The following GMDS variants were observed in gnomAD, a reference collection of about 807,000 sequenced individuals.
The protein encoded by GMDS is GDP-mannose 4,6 dehydratase.
A neutral mutation model predicts 49.9 loss-of-function variants in GMDS; 20 were observed. The ratio of observed to expected loss-of-function variants is 0.40; its 90% CI spans 0.28 to 0.58. The LOEUF (loss-of-function observed/expected upper bound fraction) is 0.58. Among genes scored for constraint, GMDS ranks in the 20% least tolerant of loss-of-function variants. The probability of loss-of-function intolerance (pLI) is 0.42; values close to 1 mark genes in which losing one functional copy is unlikely to be tolerated. For missense variants in GMDS, 362 were observed against 481.4 expected (o/e 0.75, Z 2.32); for synonymous variants, 177 against 178.6 (o/e 0.99, Z 0.07).
chr6:1,668,013 A>T (rs1411281204), intron 9 of GMDS, among the ~76,000 whole-genome samples: 1 of 152,188 alleles, frequency 6.6e-6, no homozygotes, highest in Non-Finnish European at 1.5e-5. Flanking sequence ...CACAAGTCCC[A>T]GGGTGAATGA....
intron 7 of GMDS, among the ~76,000 whole-genome samples, chr6:1,896,580 G>C (rs1347599500): frequency 6.6e-6 from 1 of 152,152 alleles, no homozygotes; most frequent in East Asian, 1.9e-4. Context: ...TGGGAGGAGA[G>C]GGGGTGTCAG....
At chr6:2,130,351 C>T (rs1775667141) in intron 1 of GMDS, among the ~76,000 whole-genome samples, 1 of 152,162 alleles carries the variant, frequency 6.6e-6, no homozygotes, top group Non-Finnish European at 1.5e-5. Flanking sequence ...ACCAACTTTC[C>T]CTTCCTTTGA....
chr6:1,749,252 TCTGCGGTGTTC>T (rs1175101047), intron 7 of GMDS, among the ~76,000 whole-genome samples: 7 of 152,184 alleles, frequency 4.6e-5, no homozygotes, highest in African/African-American at 1.7e-4. Flanking sequence ...CAGATCACAA[TCTGCGGTGTTC>T]CTTGGCTAGG....
chr6:1,684,926 T>C (rs891221389), intron 9 of GMDS, among the ~76,000 whole-genome samples: 1 of 152,136 alleles, frequency 6.6e-6, no homozygotes, highest in East Asian at 1.9e-4. Context: ...TATCAACCTG[T>C]GCCTGCCACT....
intron 8 of GMDS, among the ~76,000 whole-genome samples, chr6:1,732,792 G>A (rs1409042129): frequency 2.6e-5 from 4 of 152,198 alleles, no homozygotes; most frequent in Non-Finnish European, 5.9e-5. Flanking sequence ...AGCAGGGGTA[G>A]GAGACAGCAG....
At chr6:1,902,119 A>T (rs1760531563) in intron 7 of GMDS, among the ~76,000 whole-genome samples, 1 of 152,260 alleles carries the variant, frequency 6.6e-6, no homozygotes, top group African/African-American at 2.4e-5. Flanking sequence ...TGTGTAATTA[A>T]TTCTGCACAT....
chr6:1,672,627 T>TCTGC (rs1248038350), intron 9 of GMDS, among the ~76,000 whole-genome samples: 3 of 152,234 alleles, frequency 2.0e-5, no homozygotes, highest in Non-Finnish European at 4.4e-5. Context: ...AATGGCAGAC[T>TCTGC]GCAGAGGGTT....
intron 7 of GMDS, among the ~76,000 whole-genome samples, chr6:1,812,000 T>C (rs1396946512): frequency 1.2e-4 from 19 of 152,240 alleles, no homozygotes; most frequent in Admixed American, 1.2e-3. Flanking sequence ...AAATGATACC[T>C]TTCTACTGTC....
intron 4 of GMDS, among the ~76,000 whole-genome samples, chr6:2,078,718 A>T (rs1289125590): frequency 6.6e-6 from 1 of 152,090 alleles, no homozygotes; most frequent in Non-Finnish European, 1.5e-5. Context: ...GCTGATGAGA[A>T]GACTTTATAT....
chr6:1,860,244 G>C (rs1441023369), intron 7 of GMDS, among the ~76,000 whole-genome samples: 2 of 152,146 alleles, frequency 1.3e-5, no homozygotes, highest in Non-Finnish European at 2.9e-5. Flanking sequence ...TGTTTCTGAA[G>C]TTAAAAAATA....
In GMDS at chr6:1,846,838, A is replaced by G. The variant is rs183553955; in HGVS notation, c.771+83265T>C. On this transcript the variant is annotated intron_variant, in intron 7 of 10. Transcript: ENST00000380815. ...CACTTAGAACATTTATGTACAGCTCATATCTTTTAGGATGTATCAAATATA... is the reference window on the plus strand; with the variant it reads ...CACTTAGAACATTTATGTACAGCTCGTATCTTTTAGGATGTATCAAATATA... 3.2e-3 allele frequency among the ~76,000 whole-genome samples: 492 copies of G among 152,324 alleles called. 1 individual carries two copies. Among genetic ancestry groups the G allele is most frequent in the Admixed American group, 8.0e-3 (122 of 15,300 alleles).
intron 9 of GMDS, among the ~76,000 whole-genome samples, chr6:1,704,917 C>T (rs370969192): frequency 1.4e-4 from 21 of 152,182 alleles, no homozygotes; most frequent in African/African-American, 5.1e-4. Context: ...TAAAAAGTAC[C>T]TTTGAAACTG....
chr6:1,992,180 G>T (rs1200704695), intron 4 of GMDS, among the ~76,000 whole-genome samples: 1 of 152,124 alleles, frequency 6.6e-6, no homozygotes, highest in Non-Finnish European at 1.5e-5. Flanking sequence ...TTCCCCAAGG[G>T]GTATTTCTAG....
chr6:1,826,333 T>C (rs1264099067), intron 7 of GMDS, among the ~76,000 whole-genome samples: 2 of 152,244 alleles, frequency 1.3e-5, no homozygotes, highest in East Asian at 3.8e-4. Flanking sequence ...AACGTCATTA[T>C]GTGGTGCACG....
intron 6 of GMDS, among the ~76,000 whole-genome samples, chr6:1,945,682 G>A (rs1412033674): frequency 6.6e-6 from 1 of 152,140 alleles, no homozygotes. Flanking sequence ...GGCTGAGGCA[G>A]GAAGATTGCT....
chr6:1,665,215 A>T (rs1204402035), intron 9 of GMDS, among the ~76,000 whole-genome samples: 2 of 152,208 alleles, frequency 1.3e-5, no homozygotes, highest in East Asian at 3.8e-4. Context: ...GTCATTTAAC[A>T]TTAGGTATAT....
At chr6:1,889,708 G>A (rs1309812137) in intron 7 of GMDS, among the ~76,000 whole-genome samples, 4 of 152,064 alleles carry the variant, frequency 2.6e-5, no homozygotes, top group African/African-American at 7.2e-5. Context: ...CCATTACCAC[G>A]ATCTAAGTTT....
chr6:2,037,495 G>A (rs1456718919), intron 4 of GMDS, among the ~76,000 whole-genome samples: 1 of 152,154 alleles, frequency 6.6e-6, no homozygotes, highest in African/African-American at 2.4e-5. Context: ...ATGGGGGAGG[G>A]AGTAGCAGGA....
chr6:2,072,839 C>T (rs1581611207), intron 4 of GMDS, among the ~76,000 whole-genome samples: 2 of 152,126 alleles, frequency 1.3e-5, no homozygotes, highest in African/African-American at 4.8e-5. Context: ...GTTCCAAATG[C>T]CATTTCAATA....
Sources: gnomAD v4.1 joint callset for allele counts (sites outside exome capture counted in the v4.1 genomes callset) on GRCh38, gnomAD v4.1.1 for gene constraint, MANE v1.5 for transcripts, NCBI Gene and HGNC (gene_info 2026-07-23, HGNC 2026-07-21) for gene names.